Variants in STK40 observed in about 807,000 individuals in gnomAD.
STK40 encodes serine/threonine kinase 40.
A neutral mutation model predicts 47.9 loss-of-function variants in STK40; 13 were observed. The observed-to-expected ratio is 0.27, with a 90% confidence interval of 0.18 to 0.43. STK40 has a LOEUF of 0.43. Among genes scored for constraint, STK40 ranks in the 20% least tolerant of loss-of-function variants. The pLI is 1.00. For missense variants in STK40, 460 were observed against 595.1 expected (o/e 0.77, Z 2.36); for synonymous variants, 225 against 243.2 (o/e 0.93, Z 0.69).
chr1:36,339,886 AAGG>A lies in STK40; in HGVS notation c.*1866_*1868del, dbSNP rs1175720921. 3.9e-5 allele frequency: 6 copies of A among 152,452 alleles called. No individual in the cohort carries two copies. The highest frequency in any genetic ancestry group is 1.9e-4 in the East Asian group (1 of 5,162). The allele number at this position is 152,452 out of a possible 1,614,324, so 9.4% of individuals were successfully genotyped here. A position where few individuals can be genotyped will look rare whatever the true frequency, so the allele number is the denominator to read the frequency against. ...CAGACCCGGCGGCTATTGCTTTGAA[AAGG>A]AGGAGAAAGACCACGCACGGGCAGC... On this transcript the variant is annotated 3_prime_UTR_variant, in exon 11 of 11. Coordinates refer to ENST00000373132, the MANE Select transcript of STK40 (RefSeq NM_001282547.2).
intron 4 of STK40, among the ~76,000 whole-genome samples, chr1:36,356,586 C>T (rs914638088): frequency 8.6e-5 from 13 of 151,874 alleles, no homozygotes; most frequent in South Asian, 2.1e-4. Context: ...CCACCATGCC[C>T]GGCTAATTTT....
At chr1:36,343,824 G>T in intron 9 of STK40, 36 bp downstream of exon 9, 1 of 1,542,694 alleles carries the variant, frequency 6.5e-7, no homozygotes, top group East Asian at 2.3e-5. Flanking sequence ...CCCTGAGGAC[G>T]CAGCCTTGTG....
chr1:36,354,394 A>G lies in STK40; in HGVS notation c.593T>C (p.Leu198Pro). 6.2e-7 allele frequency: 1 copy of G among 1,614,034 alleles called. No homozygotes were observed. Among genetic ancestry groups the G allele is most frequent in the Non-Finnish European group, 8.5e-7 (1 of 1,179,966 alleles). The change falls in exon 6 of 11, where the codon CTG (leucine) becomes CCG (proline). Residue 198 changes from leucine (L) to proline (P), a missense_variant. This residue lies in a region of STK40 where 277 missense variants were observed against 358.7 expected (regional missense o/e 0.77). Transcript: ENST00000373132. ...GTTGAGCACCATGTTCCCCAGCTTCAGGTCTCTGTGCACGATATTTTTCTG... is the reference window on the plus strand; with the variant it reads ...GTTGAGCACCATGTTCCCCAGCTTCGGGTCTCTGTGCACGATATTTTTCTG... ...LHQKNIVHRD[L>P]KLGNMVLNKR... is the part of the protein sequence containing the mutation.
In STK40 at chr1:36,345,711, G is replaced by A. The variant is rs531733660; in HGVS notation, c.740-1447C>T. On this transcript the variant is annotated intron_variant, in intron 7 of 10. Transcript: ENST00000373132. ...CAAAAAAGGTGCTGCCTCTCCTCCC[G>A]TGGCTGGAAGATGCTTCCTGTTGAG... Among the ~76,000 whole-genome samples, 8 of 152,050 alleles carry A rather than the reference G, an allele frequency of 5.3e-5. No homozygotes were observed. The South Asian group carries it at 1.5e-3, about 28-fold the overall frequency.
At chr1:36,373,270 C>T (rs879859666) in intron 1 of STK40, among the ~76,000 whole-genome samples, 5 of 152,100 alleles carry the variant, frequency 3.3e-5, no homozygotes, top group Non-Finnish European at 7.3e-5. Context: ...GTGCTGAGGC[C>T]GCTTCCCTGT....
At chr1:36,348,533 AC>A (rs1409871862) in intron 7 of STK40, among the ~76,000 whole-genome samples, 166 bp downstream of exon 7, 1 of 152,096 alleles carries the variant, frequency 6.6e-6, no homozygotes, top group African/African-American at 2.4e-5. Flanking sequence ...TACGTCTTCC[AC>A]CTCCAACAGA....
intron 6 of STK40, among the ~76,000 whole-genome samples, chr1:36,354,007 C>T (rs759057258): frequency 3.3e-5 from 5 of 152,152 alleles, no homozygotes; most frequent in Non-Finnish European, 5.9e-5. Flanking sequence ...TCAAGTGATC[C>T]TCCCGCCTCA....
chr1:36,378,551 T>C (rs1003031320), intron 1 of STK40, among the ~76,000 whole-genome samples: 7 of 151,828 alleles, frequency 4.6e-5, no homozygotes, highest in African/African-American at 1.7e-4. Flanking sequence ...CTCCGCCTCC[T>C]GGGTTCAAGC....
At chr1:36,353,134 T>C (rs533003971) in intron 6 of STK40, among the ~76,000 whole-genome samples, 2 of 152,312 alleles carry the variant, frequency 1.3e-5, no homozygotes, top group Middle Eastern at 3.4e-3. Context: ...CATCATGGAA[T>C]GAATCACCCA....
Position 36,355,224 on chromosome 1 carries a change from C to T in STK40, c.552G>A (p.Val184=), listed in dbSNP as rs151238337. ...GCCTCACCTGGTGCAGGGCCTCCAC[C>T]ACGCGGACCACGTCGTAGAAGATTA... The part of the protein sequence containing the change: ...TVVIFYDVVR[V]VEALHQKNIV... The change falls in exon 5 of 11, where the codon GTG becomes GTA. Residue 184 remains valine, a synonymous_variant. Coordinates refer to ENST00000373132, the MANE Select transcript of STK40 (RefSeq NM_001282547.2). 18 of 1,613,832 alleles carry T rather than the reference C, an allele frequency of 1.1e-5. No individual in the cohort carries two copies. In the African/African-American group the frequency reaches 2.3e-4, roughly 20 times the overall value.
intron 1 of STK40, among the ~76,000 whole-genome samples, chr1:36,376,970 A>G (rs1317765246): frequency 2.0e-5 from 3 of 151,548 alleles, no homozygotes; most frequent in Non-Finnish European, 2.9e-5. Context: ...ACGGGGTTTC[A>G]CCATCTTGGC....
chr1:36,366,280 C>G (rs150288399), intron 1 of STK40, among the ~76,000 whole-genome samples: 1 of 152,128 alleles, frequency 6.6e-6, no homozygotes, highest in Non-Finnish European at 1.5e-5. Flanking sequence ...TCTCAGGATT[C>G]GACTCAAGCA....
chr1:36,371,471 G>A (rs1482554913), intron 1 of STK40, among the ~76,000 whole-genome samples: 14 of 150,902 alleles, frequency 9.3e-5, no homozygotes, highest in Admixed American at 6.6e-5. Flanking sequence ...GGAGAATGGC[G>A]TGAACCCAGG....
chr1:36,343,922 G>A lies in STK40; in HGVS notation c.942C>T (p.Asp314=), dbSNP rs2124724166. 1 of 1,608,348 alleles carries A rather than the reference G, an allele frequency of 6.2e-7. No individual in the cohort carries two copies. Among genetic ancestry groups the A allele is most frequent in the Non-Finnish European group, 8.5e-7 (1 of 1,175,916 alleles). Residue 314 remains aspartate (D), a synonymous_variant, in exon 9 of 11, where the codon GAC becomes GAT. Transcript: ENST00000373132. ...VCLIRKLLVL[D]PQQRLAAADV... ...CGGCGGCGGCCAGGCGCTGCTGGGG[G>A]TCAAGGACCAGCAGCTTCCGGATGA... is the stretch of plus-strand genomic sequence containing the variant.
chr1:36,357,724 C>A (rs1222174920), intron 4 of STK40, among the ~76,000 whole-genome samples: 1 of 152,232 alleles, frequency 6.6e-6, no homozygotes, highest in Non-Finnish European at 1.5e-5. Context: ...TCAAGCGATT[C>A]TCCTGCCTCA....
intron 1 of STK40, among the ~76,000 whole-genome samples, chr1:36,375,976 C>T (rs1019359210): frequency 2.6e-5 from 4 of 151,720 alleles, no homozygotes; most frequent in Non-Finnish European, 2.9e-5. Flanking sequence ...GCGCTGAGAT[C>T]GCGCCATTGC....
At chr1:36,367,196 C>A (rs1332821944) in intron 1 of STK40, among the ~76,000 whole-genome samples, 1 of 152,030 alleles carries the variant, frequency 6.6e-6, no homozygotes. Flanking sequence ...CCCCTTAGAA[C>A]CTGAACTCAA....
intron 4 of STK40, among the ~76,000 whole-genome samples, chr1:36,355,702 T>C (rs1222257724): frequency 6.6e-6 from 1 of 152,214 alleles, no homozygotes; most frequent in East Asian, 1.9e-4. Flanking sequence ...TTGATCATAA[T>C]GCAAAGGATT....
intron 7 of STK40, among the ~76,000 whole-genome samples, chr1:36,347,085 C>A (rs952058217): frequency 2.6e-5 from 4 of 152,146 alleles, no homozygotes; most frequent in African/African-American, 7.2e-5. Context: ...TCTTTGCACA[C>A]GGGCAGCCCT....
Sources: gnomAD v4.1 joint callset for allele counts (sites outside exome capture counted in the v4.1 genomes callset) on GRCh38, gnomAD v4.1.1 for gene constraint, gnomAD v4.1.1 regional missense constraint, MANE v1.5 for transcripts, NCBI Gene and HGNC (gene_info 2026-07-23, HGNC 2026-07-21) for gene names.